TEX9: variants seen among roughly 807,000 people sequenced by gnomAD.
TEX9 encodes testis-expressed protein 9.
Under a neutral mutation model 59.6 loss-of-function variants are expected in TEX9, and 74 were observed. That is an observed-to-expected ratio of 1.24 (90% CI 1.03 to 1.51). TEX9 has a LOEUF of 1.51. Among genes scored for constraint, TEX9 ranks in the 40% most tolerant of loss-of-function variants. The pLI, the probability that TEX9 is intolerant of heterozygous loss-of-function variation, is 0.00. For synonymous variants in TEX9, 186 were observed against 152.2 expected, an observed-to-expected ratio of 1.22 and a Z score of -1.64; for missense variants, 522 against 447.8, an observed-to-expected ratio of 1.17 and a Z score of -1.49.
At chr15:56,247,469 G>C (rs2043887336) in intron 1 of TEX9, among the ~76,000 whole-genome samples, 1 of 152,114 alleles carries the variant, frequency 6.6e-6, no homozygotes, top group African/African-American at 2.4e-5. Flanking sequence ...GAGTTGAGTA[G>C]GCAGAGCAAC....
At chr15:56,412,072 G>A (rs777891016) in intron 9 of TEX9, among the ~76,000 whole-genome samples, 10 of 151,940 alleles carry the variant, frequency 6.6e-5, no homozygotes, top group African/African-American at 1.5e-4. Context: ...TTGAAAGCCC[G>A]GTTCACAACT....
intron 1 of TEX9, among the ~76,000 whole-genome samples, chr15:56,332,353 G>C (rs577747610): frequency 0.033 from 5,042 of 151,436 alleles, 305 homozygotes; most frequent in African/African-American, 0.11. Flanking sequence ...ATCATTCTCA[G>C]TAAACTATCG....
At chr15:56,386,735 T>A (rs1567114379) in intron 4 of TEX9, among the ~76,000 whole-genome samples, 1 of 151,962 alleles carries the variant, frequency 6.6e-6, no homozygotes, top group East Asian at 1.9e-4. Flanking sequence ...ATGATGTTTA[T>A]CCAGTAAACT....
intron 3 of TEX9, among the ~76,000 whole-genome samples, chr15:56,381,013 C>CCT (rs2047701461): frequency 6.6e-6 from 1 of 152,116 alleles, no homozygotes; most frequent in Non-Finnish European, 1.5e-5. Context: ...AAACTTTCTA[C>CCT]CTCTCTCTTT....
At chr15:56,314,863 GT>G (rs2045715427) in intron 1 of TEX9, among the ~76,000 whole-genome samples, 1 of 151,930 alleles carries the variant, frequency 6.6e-6, no homozygotes, top group Admixed American at 6.6e-5. Context: ...ATTTAGGATA[GT>G]TAGCTCTTCT....
chr15:56,371,761 G>T (rs16976885), intron 2 of TEX9, among the ~76,000 whole-genome samples: 2,530 of 152,080 alleles, frequency 0.017, 68 homozygotes, highest in African/African-American at 0.057. Context: ...GTTTTTCCAT[G>T]GTGTCCTTGT....
At chr15:56,453,752 T>A in the TEX9 span, among the ~76,000 whole-genome samples, 1 of 152,174 alleles carries the variant, frequency 6.6e-6, no homozygotes, top group Non-Finnish European at 1.5e-5. Flanking sequence ...AGTTAAATTA[T>A]CTTTTAAGTA....
chr15:56,379,798 T>C (rs1323888201), intron 3 of TEX9, among the ~76,000 whole-genome samples: 1 of 152,196 alleles, frequency 6.6e-6, no homozygotes, highest in Non-Finnish European at 1.5e-5. Flanking sequence ...AATGACCTTC[T>C]TTGTCTCTTC....
intron 1 of TEX9, among the ~76,000 whole-genome samples, chr15:56,331,634 C>T (rs2046147331): frequency 6.6e-6 from 1 of 151,948 alleles, no homozygotes; most frequent in Non-Finnish European, 1.5e-5. Context: ...ATGCCAAAAC[C>T]TATGGAATAT....
chr15:56,315,313 G>A (rs1389602796), intron 1 of TEX9, among the ~76,000 whole-genome samples: 2 of 144,220 alleles, frequency 1.4e-5, no homozygotes, highest in Non-Finnish European at 3.1e-5. Context: ...CATGTTTAGT[G>A]CTTCCTTCAG....
intron 1 of TEX9, among the ~76,000 whole-genome samples, chr15:56,346,330 C>G (rs1438224729): frequency 1.3e-5 from 2 of 152,074 alleles, no homozygotes; most frequent in Non-Finnish European, 2.9e-5. Flanking sequence ...ATGAGTTTGC[C>G]AGAATAAAGC....
chr15:56,394,660 G>A lies in TEX9; in HGVS notation c.655-1G>A. 1 of 1,567,992 alleles carries A rather than the reference G, an allele frequency of 6.4e-7. No homozygotes were observed. The highest frequency in any genetic ancestry group is 8.7e-7 in the Non-Finnish European group (1 of 1,144,408). On this transcript the variant is annotated splice_acceptor_variant, in intron 8 of 12. Transcript: ENST00000352903. LOFTEE classifies it high-confidence loss of function. ...CATAATCTATAACTTTATAACTATA[G>A]GAGGATGAAATTCAGAATTTAAAGT...
At chr15:56,287,763 A>G (rs1455822085) in intron 1 of TEX9, among the ~76,000 whole-genome samples, 1 of 152,164 alleles carries the variant, frequency 6.6e-6, no homozygotes, top group Non-Finnish European at 1.5e-5. Flanking sequence ...TATAAATGAG[A>G]ACATATGGTA....
chr15:56,443,326 T>G (rs1336073311), intron 12 of TEX9: 2 of 803,616 alleles, frequency 2.5e-6, no homozygotes, highest in Non-Finnish European at 3.7e-6. Flanking sequence ...ACATATAATG[T>G]AATTACCAGT....
At chr15:56,254,618 T>G (rs1245385928) in intron 1 of TEX9, among the ~76,000 whole-genome samples, 1 of 151,582 alleles carries the variant, frequency 6.6e-6, no homozygotes, top group Non-Finnish European at 1.5e-5. Context: ...GGATTCTTAT[T>G]TATAAAGTAA....
At chr15:56,278,754 C>A (rs1306747164) in intron 1 of TEX9, among the ~76,000 whole-genome samples, 3 of 152,052 alleles carry the variant, frequency 2.0e-5, no homozygotes, top group African/African-American at 7.2e-5. Flanking sequence ...GTTTTGGGTT[C>A]CTCAAAAATT....
chr15:56,360,747 C>G (rs74015411), upstream of TEX9, among the ~76,000 whole-genome samples: 1 of 152,156 alleles, frequency 6.6e-6, no homozygotes, highest in Admixed American at 6.5e-5. Flanking sequence ...AATATGAAGC[C>G]ATACCTCTTC....
chr15:56,389,234 C>A, intron 5 of TEX9, 84 bp from the exon 6 acceptor site: 2 of 1,076,772 alleles, frequency 1.9e-6, no homozygotes, highest in South Asian at 1.4e-5. Flanking sequence ...TTCTGTGTAG[C>A]AAAATTCTAT....
intron 1 of TEX9, among the ~76,000 whole-genome samples, chr15:56,263,495 G>C (rs1171765851): frequency 6.6e-6 from 1 of 151,782 alleles, no homozygotes; most frequent in Non-Finnish European, 1.5e-5. Context: ...TTTTCTTGGG[G>C]TTAATTATAT....
Sources: gnomAD v4.1 joint callset for allele counts (sites outside exome capture counted in the v4.1 genomes callset) on GRCh38, gnomAD v4.1.1 for gene constraint, MANE v1.5 for transcripts, NCBI Gene and HGNC (gene_info 2026-07-23, HGNC 2026-07-21) for gene names.